The following MIGA1 variants were observed in gnomAD, a reference collection of about 807,000 sequenced individuals.
MIGA1 encodes family with sequence similarity 73, member A.
MIGA1 carries 58 observed loss-of-function variants against 82.0 expected under a neutral mutation model. That is an observed-to-expected ratio of 0.71 (90% CI 0.57 to 0.88). The LOEUF is 0.88. MIGA1 is among the 40% of genes least tolerant of loss of function. The probability of loss-of-function intolerance (pLI) is 0.00; values close to 1 mark genes in which losing one functional copy is unlikely to be tolerated. For missense variants in MIGA1, 751 were observed against 749.1 expected (o/e 1.00, Z -0.03); for synonymous variants, 249 against 253.6 (o/e 0.98, Z 0.17).
At chr1:77,802,562 C>T (rs967943948) in intron 3 of MIGA1, among the ~76,000 whole-genome samples, 7 of 151,998 alleles carry the variant, frequency 4.6e-5, no homozygotes, top group African/African-American at 1.7e-4. Flanking sequence ...TGGCTTGAGC[C>T]CAGTAGTTTA....
intron 1 of MIGA1, 47 bp downstream of exon 1, chr1:77,779,783 G>A: frequency 2.0e-6 from 3 of 1,516,940 alleles, no homozygotes; most frequent in Non-Finnish European, 2.7e-6. Flanking sequence ...GCGGGAGGAA[G>A]CGGAGAGTTG....
At chr1:77,858,672 G>A (rs1685350923) in intron 8 of MIGA1, among the ~76,000 whole-genome samples, 1 of 152,108 alleles carries the variant, frequency 6.6e-6, no homozygotes. Context: ...AGGCTGGAGT[G>A]CAGTGATACA....
chr1:77,794,586 G>T lies in MIGA1; in HGVS notation c.196-6745G>T, dbSNP rs150724696. ...CCTTGTTACTGGTGATAGTAGCTTT[G>T]ATCACTGGTCAGGCATGGTGTCTCA... On this transcript the variant is annotated intron_variant, in intron 2 of 15. Coordinates refer to ENST00000370791, the MANE Select transcript of MIGA1 (RefSeq NM_198549.4). 2.2e-3 allele frequency among the ~76,000 whole-genome samples: 338 copies of T among 152,266 alleles called. 1 individual carries two copies. The highest frequency in any genetic ancestry group is 8.0e-3 in the African/African-American group (332 of 41,552).
chr1:77,822,760 A>G (rs1683867824), intron 7 of MIGA1, among the ~76,000 whole-genome samples: 1 of 151,232 alleles, frequency 6.6e-6, no homozygotes, highest in African/African-American at 2.4e-5. Context: ...CATTTGTACT[A>G]TTTATAGAAG....
intron 2 of MIGA1, among the ~76,000 whole-genome samples, chr1:77,798,404 T>G (rs1158427229): frequency 1.3e-5 from 2 of 152,204 alleles, no homozygotes; most frequent in African/African-American, 2.4e-5. Flanking sequence ...TCCACATGGC[T>G]GGTGAGGCCT....
intron 2 of MIGA1, among the ~76,000 whole-genome samples, chr1:77,794,461 C>T (rs1682571023): frequency 6.6e-6 from 1 of 152,124 alleles, no homozygotes; most frequent in Non-Finnish European, 1.5e-5. Flanking sequence ...CAGAATGTCC[C>T]TCAGTTGAGT....
chr1:77,834,711 A>G (rs949284897), intron 7 of MIGA1, among the ~76,000 whole-genome samples: 3 of 152,252 alleles, frequency 2.0e-5, no homozygotes, highest in Admixed American at 2.0e-4. Flanking sequence ...AGATAGTCAT[A>G]CAGAATAAAC....
chr1:77,860,627 T>C (rs1183642748), intron 11 of MIGA1: 1 of 152,930 alleles, frequency 6.5e-6, no homozygotes, highest in Non-Finnish European at 1.5e-5. Context: ...CTTGAGCCAT[T>C]TGCACACCTA....
intron 2 of MIGA1, among the ~76,000 whole-genome samples, chr1:77,789,562 G>A (rs145303214): frequency 6.6e-6 from 1 of 152,050 alleles, no homozygotes; most frequent in African/African-American, 2.4e-5. Context: ...AGATGGTTCT[G>A]TAGTATCCTT....
chr1:77,842,413 G>A (rs1189740979), intron 7 of MIGA1, among the ~76,000 whole-genome samples: 5 of 152,156 alleles, frequency 3.3e-5, no homozygotes, highest in Non-Finnish European at 7.3e-5. Context: ...AAATTTTGGG[G>A]GCATTTATAT....
intron 7 of MIGA1, among the ~76,000 whole-genome samples, chr1:77,840,322 A>C: frequency 6.6e-6 from 1 of 152,310 alleles, no homozygotes; most frequent in Non-Finnish European, 1.5e-5. Context: ...TTAAAAAATA[A>C]AGTACAAGTA....
Position 77,830,818 on chromosome 1 carries a change from A to G in MIGA1, c.896-12489A>G, listed in dbSNP as rs531391295. On this transcript the variant is annotated intron_variant, in intron 7 of 15. Transcript: ENST00000370791. ...ATAGGTTAAAAATCAGTTTTTAAGTATTTATTTATTTGCTGTGTACCTGAC... is the reference window on the plus strand; with the variant it reads ...ATAGGTTAAAAATCAGTTTTTAAGTGTTTATTTATTTGCTGTGTACCTGAC... Among the ~76,000 whole-genome samples, 3 of 152,304 alleles carry G rather than the reference A, an allele frequency of 2.0e-5. No individual in the cohort carries two copies. In the South Asian group the frequency reaches 6.2e-4, roughly 32 times the overall value.
rs781753466 is a variant in MIGA1, at chr1:77,801,376, G to A, written c.241G>A (p.Val81Met). Residue 81 changes from valine (V) to methionine (M), a missense_variant, in exon 3 of 16, where the codon GTG becomes ATG. Transcript: ENST00000370791. Reference sequence around the variant, plus strand: ...TAAAAAGTTGTTTGTGGTAACTGCAGTGAGTGCTATATCTGTAATTTTTCT... The same window carrying A: ...TAAAAAGTTGTTTGTGGTAACTGCAATGAGTGCTATATCTGTAATTTTTCT... 4.0e-5 allele frequency: 64 copies of A among 1,589,212 alleles called. No individual in the cohort carries two copies. The highest frequency in any genetic ancestry group is 1.7e-4 in the Middle Eastern group (1 of 5,968).
At chr1:77,811,690 G>T (rs202189174) in intron 5 of MIGA1, 696 of 1,611,670 alleles carry the variant, frequency 4.3e-4, no homozygotes, top group Non-Finnish European at 4.2e-4. Context: ...CTCGTCTATC[G>T]CCTCCACCAG....
chr1:77,781,989 A>AT lies in MIGA1; in HGVS notation c.82-1235dup, dbSNP rs560096907. Among the ~76,000 whole-genome samples, 300 of 145,330 alleles carry AT rather than the reference A, an allele frequency of 2.1e-3. 1 individual carries two copies. The highest frequency in any genetic ancestry group is 7.4e-3 in the Middle Eastern group (2 of 270). Reference sequence around the variant, plus strand: ...AGGGCCTAAAAAAGTGTAGCAAATAATTTTTTTTTTTTTTGGTGTAGGCAG... The same window carrying AT: ...AGGGCCTAAAAAAGTGTAGCAAATAATTTTTTTTTTTTTTTGGTGTAGGCAG... On this transcript the variant is annotated intron_variant, in intron 1 of 15. Transcript: ENST00000370791.
At chr1:77,840,890 T>C (rs1449546502) in intron 7 of MIGA1, among the ~76,000 whole-genome samples, 1 of 152,184 alleles carries the variant, frequency 6.6e-6, no homozygotes, top group Non-Finnish European at 1.5e-5. Context: ...TGTAAAACTG[T>C]GATTTCTTTT....
chr1:77,835,020 A>C (rs1283136915), intron 7 of MIGA1, among the ~76,000 whole-genome samples: 1 of 152,194 alleles, frequency 6.6e-6, no homozygotes, highest in Non-Finnish European at 1.5e-5. Context: ...TCTCTACTAG[A>C]ATCTGCTGAG....
rs761782435 is a variant in MIGA1 at position 77,873,036 on chromosome 1, C to T, written c.1596C>T (p.Ala532=). 5.6e-6 allele frequency: 9 copies of T among 1,613,826 alleles called. No homozygotes were observed. The East Asian group carries it at 1.8e-4, about 32-fold the overall frequency. The change falls in exon 15 of 16, where the codon GCC becomes GCT. Residue 532 remains alanine (A), a synonymous_variant. Transcript: ENST00000370791. ...ATGGATTTTTTGCCCATTTTTATGCCATTTGTGAACACATCAGTCCTGTCC... is the reference window on the plus strand; with the variant it reads ...ATGGATTTTTTGCCCATTTTTATGCTATTTGTGAACACATCAGTCCTGTCC...
At chr1:77,813,662 A>T in intron 5 of MIGA1, 72 bp from the exon 6 acceptor site, 1 of 1,532,774 alleles carries the variant, frequency 6.5e-7, no homozygotes, top group Non-Finnish European at 9.0e-7. Flanking sequence ...GTATGAAAAC[A>T]TTTCAGGCCC....
Sources: allele counts gnomAD v4.1 joint callset (sites outside exome capture counted in the v4.1 genomes callset), GRCh38; gene constraint gnomAD v4.1.1; transcripts MANE v1.5; gene names NCBI Gene and HGNC (gene_info 2026-07-23, HGNC 2026-07-21).